LINC00237: variants seen among roughly 807,000 people sequenced by gnomAD.
LINC00237 encodes long independently transcribed non-coding RNA 237, also known as long intergenic non-protein coding RNA 237.
chr20:21,095,946 C>G (rs2030852781), intron 1 of LINC00237, among the ~76,000 whole-genome samples: 2 of 152,246 alleles, frequency 1.3e-5, no homozygotes, highest in Admixed American at 6.5e-5. Context: ...GTATGTGCTA[C>G]ATCGTTTCCC....
At chr20:21,096,849 A>G (rs556265053) in intron 1 of LINC00237, among the ~76,000 whole-genome samples, 8 of 152,344 alleles carry the variant, frequency 5.3e-5, no homozygotes, top group Non-Finnish European at 1.2e-4. Context: ...ATAAGGCCCT[A>G]TGCTTTCAAA....
intron 1 of LINC00237, among the ~76,000 whole-genome samples, chr20:21,096,774 G>C (rs1232858869): frequency 1.3e-5 from 2 of 152,168 alleles, no homozygotes; most frequent in East Asian, 3.9e-4. Flanking sequence ...TAAGCCGTTG[G>C]AGGCCCTCTC....
At chr20:21,091,042 T>C (rs2030785137) in intron 2 of LINC00237, among the ~76,000 whole-genome samples, 1 of 151,076 alleles carries the variant, frequency 6.6e-6, no homozygotes, top group Non-Finnish European at 1.5e-5. Context: ...AGTGTGTAAA[T>C]GTGCGTGTGT....
intron 1 of LINC00237, among the ~76,000 whole-genome samples, chr20:21,105,211 A>G (rs1459926974): frequency 6.6e-6 from 1 of 152,106 alleles, no homozygotes; most frequent in Admixed American, 6.5e-5. Flanking sequence ...CTGGACGCCG[A>G]GCCCTCTGGA....
At chr20:21,094,424 T>C (rs2030829993) in intron 1 of LINC00237, among the ~76,000 whole-genome samples, 1 of 152,064 alleles carries the variant, frequency 6.6e-6, no homozygotes, top group African/African-American at 2.4e-5. Flanking sequence ...CAGTAAATGA[T>C]TAAAGACAAA....
intron 1 of LINC00237, among the ~76,000 whole-genome samples, chr20:21,103,867 G>A (rs2030964655): frequency 6.6e-6 from 1 of 152,152 alleles, no homozygotes; most frequent in Admixed American, 6.5e-5. Context: ...TCTTGTGGAC[G>A]GGGGTATAAG....
chr20:21,103,096 C>G (rs1216520214), intron 1 of LINC00237, among the ~76,000 whole-genome samples: 3 of 152,200 alleles, frequency 2.0e-5, no homozygotes, highest in Non-Finnish European at 2.9e-5. Context: ...ACCCCAGACC[C>G]GCGAAGCTGG....
intron 2 of LINC00237, chr20:21,090,410 TG>T (rs2030776754): frequency 6.6e-6 from 1 of 152,192 alleles, no homozygotes; most frequent in Non-Finnish European, 1.5e-5. Context: ...TGACATGCAG[TG>T]CTTGAAACTG....
intron 3 of LINC00237, among the ~76,000 whole-genome samples, chr20:21,085,903 A>G (rs891888187): frequency 1.3e-5 from 2 of 152,206 alleles, no homozygotes; most frequent in African/African-American, 2.4e-5. Context: ...GTCAGAGACA[A>G]AGGACTTTAT....
At chr20:21,088,203 A>C (rs1434448283) in intron 2 of LINC00237, among the ~76,000 whole-genome samples, 1 of 152,180 alleles carries the variant, frequency 6.6e-6, no homozygotes, top group Non-Finnish European at 1.5e-5. Flanking sequence ...CAGTCACTAT[A>C]GGACCGTGAA....
chr20:21,105,260 T>C (rs2030983659), intron 1 of LINC00237, among the ~76,000 whole-genome samples: 1 of 152,080 alleles, frequency 6.6e-6, no homozygotes, highest in Non-Finnish European at 1.5e-5. Flanking sequence ...CCTCCCGCTC[T>C]GGGTCTGAAC....
intron 3 of LINC00237, chr20:21,087,918 C>T (rs1297475830): frequency 6.6e-6 from 1 of 152,140 alleles, no homozygotes; most frequent in East Asian, 1.9e-4. Context: ...GCAGCAAACT[C>T]CTCCTGCCAA....
intron 3 of LINC00237, among the ~76,000 whole-genome samples, chr20:21,086,848 A>G (rs2030716028): frequency 7.7e-6 from 1 of 130,078 alleles, no homozygotes; most frequent in African/African-American, 2.9e-5. Flanking sequence ...TATGTATAGT[A>G]TACACTATAT....
intron 1 of LINC00237, among the ~76,000 whole-genome samples, chr20:21,102,029 G>A (rs1250353112): frequency 6.6e-6 from 1 of 152,260 alleles, no homozygotes; most frequent in Non-Finnish European, 1.5e-5. Flanking sequence ...ACCTGGTGGC[G>A]TGGCCAGTTG....
exon 2 of LINC00237, chr20:21,093,691 G>A (rs2122173359): frequency 6.6e-6 from 1 of 152,308 alleles, no homozygotes; most frequent in South Asian, 2.1e-4. Flanking sequence ...GATACTTTCT[G>A]GTGCCTAGGA....
At chr20:21,105,969 CG>C (rs1228090141) in intron 1 of LINC00237, among the ~76,000 whole-genome samples, 1 of 152,122 alleles carries the variant, frequency 6.6e-6, no homozygotes, top group Non-Finnish European at 1.5e-5. Context: ...GGGGCGGGGT[CG>C]GGGGGATGGG....
intron 1 of LINC00237, among the ~76,000 whole-genome samples, chr20:21,099,191 C>T (rs2030897241): frequency 6.6e-6 from 1 of 152,154 alleles, no homozygotes; most frequent in Non-Finnish European, 1.5e-5. Context: ...TGCGAGTGCA[C>T]TGGCTGAAGG....
intron 1 of LINC00237, among the ~76,000 whole-genome samples, chr20:21,104,457 T>C (rs112791797): frequency 0.014 from 2,147 of 152,302 alleles, 49 homozygotes; most frequent in African/African-American, 0.049. Context: ...TGTCCATAAA[T>C]CCTCTTTAGT....
At chr20:21,089,313 G>T (rs961375575) in intron 2 of LINC00237, among the ~76,000 whole-genome samples, 1 of 151,684 alleles carries the variant, frequency 6.6e-6, no homozygotes, top group East Asian at 1.9e-4. Flanking sequence ...AACACCCTTC[G>T]GTTTCTCTCA....
Sources: gnomAD v4.1 joint callset for allele counts (sites outside exome capture counted in the v4.1 genomes callset) on GRCh38, gnomAD v4.1.1 for gene constraint, MANE v1.5 for transcripts, NCBI Gene and HGNC (gene_info 2026-07-23, HGNC 2026-07-21) for gene names.